The following PIEZO2 variants were observed in gnomAD, a reference collection of about 807,000 sequenced individuals.
PIEZO2 encodes piezo-type mechanosensitive ion channel component 2.
PIEZO2 carries 172 observed loss-of-function variants against 337.3 expected under a neutral mutation model. The ratio of observed to expected loss-of-function variants is 0.51; its 90% CI spans 0.45 to 0.58. The LOEUF is 0.58. Among genes scored for constraint, PIEZO2 ranks in the 20% least tolerant of loss-of-function variants. The probability of loss-of-function intolerance (pLI) is 0.00; values close to 1 mark genes in which losing one functional copy is unlikely to be tolerated. For synonymous variants in PIEZO2, 1,251 were observed against 1,228.5 expected, an observed-to-expected ratio of 1.02 and a Z score of -0.38; for missense variants, 3,028 against 3,391.3, an observed-to-expected ratio of 0.89 and a Z score of 2.66.
chr18:11,087,750 C>A (rs116770374), intron 1 of PIEZO2, among the ~76,000 whole-genome samples: 2,501 of 152,338 alleles, frequency 0.016, 69 homozygotes, highest in African/African-American at 0.056. Flanking sequence ...ACCTCCGTAA[C>A]GTTTTCAACT....
At chr18:11,062,207 TGTA>T (rs2037988091) in intron 2 of PIEZO2, among the ~76,000 whole-genome samples, 2 of 151,894 alleles carry the variant, frequency 1.3e-5, no homozygotes. Flanking sequence ...GCTAGCCATA[TGTA>T]GAAAGCTGAA....
rs548709138 is a variant in PIEZO2, at chr18:11,033,175, G to A, written c.160+32952C>T. On this transcript the variant is annotated intron_variant, in intron 2 of 55. Transcript: ENST00000674853. The surrounding 1 kb of genome is among the most constrained non-coding windows in gnomAD (Gnocchi z 4.2). ...ATTGAGTCCTCTCTACAACACACAT[G>A]TGGGCACTGTTCTCTCCTTCATTTC... is the stretch of plus-strand genomic sequence containing the variant. 1.2e-3 allele frequency among the ~76,000 whole-genome samples: 184 copies of A among 152,354 alleles called. No individual in the cohort carries two copies. Among genetic ancestry groups the A allele is most frequent in the African/African-American group, 4.1e-3 (172 of 41,582 alleles).
In PIEZO2 at chr18:10,952,612, C is replaced by T. The variant is rs888704056; in HGVS notation, c.286+26923G>A. Among the ~76,000 whole-genome samples, 5 of 152,188 alleles carry T rather than the reference C, an allele frequency of 3.3e-5. No homozygotes were observed. Among genetic ancestry groups the T allele is most frequent in the Non-Finnish European group, 5.9e-5 (4 of 68,038 alleles). ...AGTTTGCTGAAAGACATTGAAGTTG[C>T]TTCCAGTTGGGGCAATGACGAATAA... is the stretch of plus-strand genomic sequence containing the variant. On this transcript the variant is annotated intron_variant, in intron 3 of 55. Transcript: ENST00000674853. The surrounding 1 kb of genome is among the most constrained non-coding windows in gnomAD (Gnocchi z 4.1).
chr18:11,136,705 G>A (rs1169049934), intron 1 of PIEZO2, among the ~76,000 whole-genome samples: 1 of 152,220 alleles, frequency 6.6e-6, no homozygotes, highest in Non-Finnish European at 1.5e-5. Flanking sequence ...GCTAATGCTG[G>A]AGCCATGACA....
chr18:11,137,880 A>G (rs999270876), intron 1 of PIEZO2, among the ~76,000 whole-genome samples: 2 of 152,202 alleles, frequency 1.3e-5, no homozygotes, highest in Non-Finnish European at 2.9e-5. Flanking sequence ...AGAGCTAAAA[A>G]CATTTTTAAA....
rs1398358786 is a variant in PIEZO2 at position 10,716,827 on chromosome 18, T to C, written c.5090-1011A>G. 6.6e-6 allele frequency among the ~76,000 whole-genome samples: 1 copy of C among 151,870 alleles called. No individual in the cohort carries two copies. Among genetic ancestry groups the C allele is most frequent in the Non-Finnish European group, 1.5e-5 (1 of 68,020 alleles). On this transcript the variant is annotated intron_variant, in intron 37 of 55. Transcript: ENST00000674853. The surrounding 1 kb of genome is among the most constrained non-coding windows in gnomAD (Gnocchi z 4.1). ...TTAGGAGCTCCTTATATTTTCGACA[T>C]GTATTTTCTCATACCCACAATTGTT... is the stretch of plus-strand genomic sequence containing the variant.
At chr18:10,753,355 C>T (rs2037717777) in intron 27 of PIEZO2, among the ~76,000 whole-genome samples, 1 of 152,188 alleles carries the variant, frequency 6.6e-6, no homozygotes, top group South Asian at 2.1e-4. Context: ...ACCAACTATC[C>T]AAAGCCATGG....
At chr18:11,056,016 G>C (rs1447792489) in intron 2 of PIEZO2, among the ~76,000 whole-genome samples, 1 of 152,188 alleles carries the variant, frequency 6.6e-6, no homozygotes, top group Non-Finnish European at 1.5e-5. Flanking sequence ...GGGGCAGGAG[G>C]GTTATGGGGC....
At chr18:11,056,214 C>A (rs1046682702) in intron 2 of PIEZO2, among the ~76,000 whole-genome samples, 1 of 152,196 alleles carries the variant, frequency 6.6e-6, no homozygotes, top group Non-Finnish European at 1.5e-5. Flanking sequence ...TGGGTCCAGG[C>A]TGCCCCTGGC....
rs1445296468 is a variant in PIEZO2 at position 11,027,396 on chromosome 18, G to T, written c.160+38731C>A. On this transcript the variant is annotated intron_variant, in intron 2 of 55. Transcript: ENST00000674853. The surrounding 1 kb of genome is among the most constrained non-coding windows in gnomAD (Gnocchi z 4.2). ...GAATTGCCTGGTCAGAGCAAAGGGG[G>T]CACGCTGAGGTGCGCTAGGAATAAG... Among the ~76,000 whole-genome samples the T allele has an allele frequency of 6.6e-6, 1 of 152,214 alleles. No individual in the cohort carries two copies. The highest frequency in any genetic ancestry group is 1.5e-5 in the Non-Finnish European group (1 of 68,038).
At chr18:10,841,518 G>A (rs1425836616) in intron 7 of PIEZO2, among the ~76,000 whole-genome samples, 1 of 152,156 alleles carries the variant, frequency 6.6e-6, no homozygotes, top group Non-Finnish European at 1.5e-5. Context: ...AAATTTGGAG[G>A]CCAGAAGGCA....
At chr18:11,055,253 G>C (rs961018043) in intron 2 of PIEZO2, among the ~76,000 whole-genome samples, 2 of 151,984 alleles carry the variant, frequency 1.3e-5, no homozygotes, top group Non-Finnish European at 2.9e-5. Context: ...AAGGGGCAGG[G>C]GCAGGGTCGC....
intron 2 of PIEZO2, among the ~76,000 whole-genome samples, chr18:11,015,679 A>T (rs1387812151): frequency 1.3e-5 from 2 of 152,108 alleles, no homozygotes; most frequent in Non-Finnish European, 2.9e-5. Flanking sequence ...ACTGTGAGGG[A>T]AGGGACACAT....
In PIEZO2 at chr18:10,967,148, G is replaced by A. The variant is rs1056726038; in HGVS notation, c.286+12387C>T. On this transcript the variant is annotated intron_variant, in intron 3 of 55. Transcript: ENST00000674853. Reference sequence around the variant, plus strand: ...TTCACCTGCCTCAGCCTCCTGAGTAGCTGGGATTACAGGCGCATGCCAGGA... The same window carrying A: ...TTCACCTGCCTCAGCCTCCTGAGTAACTGGGATTACAGGCGCATGCCAGGA... 2.6e-5 allele frequency among the ~76,000 whole-genome samples: 4 copies of A among 151,038 alleles called. No homozygotes were observed. The East Asian group carries it at 7.9e-4, about 30-fold the overall frequency.
At chr18:10,717,480 C>G (rs2036058519) in intron 37 of PIEZO2, among the ~76,000 whole-genome samples, 1 of 152,154 alleles carries the variant, frequency 6.6e-6, no homozygotes, top group Non-Finnish European at 1.5e-5. Context: ...CAAAGGCGCT[C>G]CAAAGCAGAC....
chr18:10,935,981 A>T (rs2032369840), intron 3 of PIEZO2, among the ~76,000 whole-genome samples: 1 of 152,224 alleles, frequency 6.6e-6, no homozygotes, highest in East Asian at 1.9e-4. Flanking sequence ...GTAATTTATT[A>T]AAAATGGCAG....
intron 13 of PIEZO2, chr18:10,791,711 ACTCCC>A: frequency 6.5e-6 from 1 of 153,556 alleles, no homozygotes. Context: ...CTTGCATAAT[ACTCCC>A]TTGACTGCAA....
rs780449577 is a variant in PIEZO2 at position 10,979,706 on chromosome 18, A to T, written c.161-46T>A. The T allele has an allele frequency of 7.4e-6, 11 of 1,485,816 alleles. No homozygotes were observed. The highest frequency in any genetic ancestry group is 8.1e-6 in the Non-Finnish European group (9 of 1,113,220). The allele number at this position is 1,485,816 out of a possible 1,614,324, so 92.0% of individuals were successfully genotyped here. On this transcript the variant is annotated intron_variant, in intron 2 of 55. Coordinates refer to ENST00000674853, the MANE Select transcript of PIEZO2 (RefSeq NM_001378183.1). The surrounding 1 kb of genome is among the most constrained non-coding windows in gnomAD (Gnocchi z 4.0). ...AGATTGTGAGAGAGCTTAAGATGAA[A>T]CACACTGGTGCTGTCTCTTGTACAT...
intron 49 of PIEZO2, among the ~76,000 whole-genome samples, chr18:10,685,238 T>G (rs1567946470): frequency 6.6e-6 from 1 of 152,140 alleles, no homozygotes; most frequent in South Asian, 2.1e-4. Flanking sequence ...TCCACTTCAT[T>G]CCAGACAGGG....
Sources: gnomAD v4.1 joint callset for allele counts (sites outside exome capture counted in the v4.1 genomes callset) on GRCh38, gnomAD v4.1.1 for gene constraint, Gnocchi (gnomAD v3.1) non-coding constraint, MANE v1.5 for transcripts, NCBI Gene and HGNC (gene_info 2026-07-23, HGNC 2026-07-21) for gene names.